The following CYP7B1 variants were observed in gnomAD, a reference collection of about 807,000 sequenced individuals.
CYP7B1 encodes the protein cytochrome P450 family 7 subfamily B member 1, also known as cytochrome P450 7B1.
CYP7B1 carries 29 observed loss-of-function variants against 42.7 expected under a neutral mutation model. The ratio of observed to expected loss-of-function variants is 0.68; its 90% CI spans 0.51 to 0.93. The LOEUF (loss-of-function observed/expected upper bound fraction) is 0.93. Among genes scored for constraint, CYP7B1 ranks in the 40% least tolerant of loss-of-function variants. The pLI is 0.00. For synonymous variants in CYP7B1, 235 were observed against 218.2 expected, an observed-to-expected ratio of 1.08 and a Z score of -0.68; for missense variants, 655 against 600.5, an observed-to-expected ratio of 1.09 and a Z score of -0.95.
At chr8:64,697,634 A>T (rs1440113573) in intron 1 of CYP7B1, among the ~76,000 whole-genome samples, 1 of 152,172 alleles carries the variant, frequency 6.6e-6, no homozygotes, top group African/African-American at 2.4e-5. Flanking sequence ...CTTATCTAGG[A>T]GATACGCCAC....
At chr8:64,669,599 C>A (rs184831235) in intron 1 of CYP7B1, among the ~76,000 whole-genome samples, 34 of 152,168 alleles carry the variant, frequency 2.2e-4, no homozygotes, top group Admixed American at 2.0e-3. Flanking sequence ...TGAATTACCT[C>A]ATTCACAATT....
At chr8:64,728,675 T>C (rs548214172) in intron 1 of CYP7B1, among the ~76,000 whole-genome samples, 4 of 152,350 alleles carry the variant, frequency 2.6e-5, no homozygotes, top group Admixed American at 2.6e-4. Context: ...TTGGTTGCTA[T>C]TATTGTGTTT....
chr8:64,596,542 C>A lies in CYP7B1; in HGVS notation c.*100G>T. 1 of 1,253,018 alleles carries A rather than the reference C, an allele frequency of 8.0e-7. No homozygotes were observed. Among genetic ancestry groups the A allele is most frequent in the Non-Finnish European group, 1.1e-6 (1 of 900,390 alleles). 77.6% of individuals were successfully genotyped at this position (1,253,018 alleles called of 1,614,324 possible). ...CAAATAGAAATTAGCGCTTTTTAAA[C>A]AAATAAATCAATTACATTTGCAGAA... On this transcript the variant is annotated 3_prime_UTR_variant, in exon 6 of 6. Coordinates refer to ENST00000310193, the MANE Select transcript of CYP7B1 (RefSeq NM_004820.5).
intron 4 of CYP7B1, among the ~76,000 whole-genome samples, chr8:64,605,064 G>C (rs1475545869): frequency 1.3e-5 from 2 of 152,188 alleles, no homozygotes; most frequent in Non-Finnish European, 2.9e-5. Flanking sequence ...AAGGCTTGGG[G>C]GCATTTCACA....
At chr8:64,795,624 A>T (rs964302762) in intron 1 of CYP7B1, among the ~76,000 whole-genome samples, 2 of 152,224 alleles carry the variant, frequency 1.3e-5, no homozygotes, top group Non-Finnish European at 1.5e-5. Context: ...CAAAACCAAA[A>T]AAAAGGGAAA....
intron 1 of CYP7B1, among the ~76,000 whole-genome samples, chr8:64,670,711 C>G (rs1806353685): frequency 6.6e-6 from 1 of 152,196 alleles, no homozygotes. Context: ...GTTACAGGCC[C>G]TGAGAGGGCA....
At chr8:64,754,147 G>T (rs917268432) in intron 1 of CYP7B1, among the ~76,000 whole-genome samples, 10 of 152,224 alleles carry the variant, frequency 6.6e-5, no homozygotes, top group African/African-American at 2.2e-4. Flanking sequence ...GGGACAGAGG[G>T]TGTGAGGAGG....
At chr8:64,636,225 C>G (rs1481918121) in intron 1 of CYP7B1, among the ~76,000 whole-genome samples, 3 of 152,122 alleles carry the variant, frequency 2.0e-5, no homozygotes, top group African/African-American at 7.2e-5. Context: ...ATGTCACTAC[C>G]CAGAACGAGG....
intron 1 of CYP7B1, among the ~76,000 whole-genome samples, chr8:64,738,322 T>G (rs1807520290): frequency 6.6e-6 from 1 of 152,106 alleles, no homozygotes; most frequent in African/African-American, 2.4e-5. Context: ...TTTCAAAAAC[T>G]GAATTTCTAA....
chr8:64,608,243 C>T (rs1193176967), intron 4 of CYP7B1, among the ~76,000 whole-genome samples: 1 of 152,188 alleles, frequency 6.6e-6, no homozygotes, highest in African/African-American at 2.4e-5. Context: ...TGCACATATT[C>T]TCTTTTGCTC....
At chr8:64,605,662 T>C (rs1435830922) in intron 4 of CYP7B1, among the ~76,000 whole-genome samples, 1 of 152,190 alleles carries the variant, frequency 6.6e-6, no homozygotes, top group Admixed American at 6.5e-5. Flanking sequence ...AGCGTGTAGC[T>C]CCTGTCTAGG....
intron 1 of CYP7B1, among the ~76,000 whole-genome samples, chr8:64,796,965 C>G (rs1205880878): frequency 1.3e-5 from 2 of 152,136 alleles, no homozygotes; most frequent in East Asian, 1.9e-4. Context: ...TGACTCTGTA[C>G]TGGGACAAAT....
At chr8:64,767,380 G>A (rs542832656) in intron 1 of CYP7B1, among the ~76,000 whole-genome samples, 4 of 152,298 alleles carry the variant, frequency 2.6e-5, no homozygotes, top group South Asian at 2.1e-4. Context: ...CAAAAGAGCC[G>A]CAAGGCGGGA....
chr8:64,616,147 G>A lies in CYP7B1; in HGVS notation c.394C>T (p.His132Tyr), dbSNP rs267601965. The A allele has an allele frequency of 9.3e-6, 15 of 1,613,494 alleles. No homozygotes were observed. In the South Asian group the frequency reaches 9.9e-5, roughly 11 times the overall value. ...AGGTGAAGCTCATCATTCATGTCAT[G>A]ATTTTTTTGCAACTGACTGATGCTA... is the stretch of plus-strand genomic sequence containing the variant. ...AFSISQLQKN[H>Y]DMNDELHLCY... The change falls in exon 3 of 6, where the codon CAT becomes TAT. Residue 132 changes from histidine to tyrosine, a missense_variant. By Grantham distance (83) the His-to-Tyr change is moderately conservative. Transcript: ENST00000310193.
intron 1 of CYP7B1, among the ~76,000 whole-genome samples, chr8:64,777,621 G>A (rs1030444339): frequency 6.6e-6 from 1 of 152,068 alleles, no homozygotes; most frequent in African/African-American, 2.4e-5. Context: ...CCCTAGGAAT[G>A]TTGTTAAATC....
intron 1 of CYP7B1, among the ~76,000 whole-genome samples, chr8:64,696,681 C>T (rs1806833412): frequency 1.3e-5 from 2 of 152,120 alleles, no homozygotes; most frequent in Admixed American, 6.6e-5. Flanking sequence ...AGTATTTAGC[C>T]TGATTTCCAT....
intron 1 of CYP7B1, among the ~76,000 whole-genome samples, chr8:64,662,302 A>C (rs1252832697): frequency 6.6e-6 from 1 of 152,188 alleles, no homozygotes; most frequent in Non-Finnish European, 1.5e-5. Flanking sequence ...ACTGCACTCC[A>C]GCCTGGGTGA....
intron 1 of CYP7B1, among the ~76,000 whole-genome samples, chr8:64,772,148 C>A (rs1276269261): frequency 6.6e-6 from 1 of 152,206 alleles, no homozygotes; most frequent in South Asian, 2.1e-4. Context: ...CACACCATGC[C>A]TTCCTTTACT....
chr8:64,646,284 T>G (rs964527607), intron 1 of CYP7B1, among the ~76,000 whole-genome samples: 3 of 151,818 alleles, frequency 2.0e-5, no homozygotes, highest in African/African-American at 7.3e-5. Flanking sequence ...GGGAGAAAAT[T>G]TTCGCAACCT....
Sources: gnomAD v4.1 joint callset for allele counts (sites outside exome capture counted in the v4.1 genomes callset) on GRCh38, gnomAD v4.1.1 for gene constraint, MANE v1.5 for transcripts, NCBI Gene and HGNC (gene_info 2026-07-23, HGNC 2026-07-21) for gene names.